Variants in MTFMT observed in about 807,000 individuals in gnomAD.
MTFMT encodes methionyl-tRNA formyltransferase, mitochondrial.
A neutral mutation model predicts 51.8 loss-of-function variants in MTFMT; 47 were observed. That is an observed-to-expected ratio of 0.91 (90% CI 0.72 to 1.16). The LOEUF (loss-of-function observed/expected upper bound fraction) is 1.16. Ranked by LOEUF, MTFMT falls within the 50% of genes most tolerant of loss-of-function variation. The probability of loss-of-function intolerance (pLI) is 0.00; values close to 1 mark genes in which losing one functional copy is unlikely to be tolerated. For synonymous variants in MTFMT, 196 were observed against 176.7 expected (o/e 1.11, Z -0.87); for missense variants, 512 against 482.3 (o/e 1.06, Z -0.58).
chr15:65,013,736 G>C (rs1240949152), intron 6 of MTFMT, among the ~76,000 whole-genome samples: 1 of 151,988 alleles, frequency 6.6e-6, no homozygotes, highest in Non-Finnish European at 1.5e-5. Context: ...TCAAGTTCAG[G>C]AGTTTGAGAT....
At chr15:65,019,696 C>A (rs962502484) in intron 5 of MTFMT, among the ~76,000 whole-genome samples, 2 of 151,998 alleles carry the variant, frequency 1.3e-5, no homozygotes, top group African/African-American at 4.8e-5. Context: ...CAATTAAATC[C>A]TAGTTTGAAA....
Position 65,016,472 on chromosome 15 carries a change from T to C in MTFMT, c.777A>G (p.Glu259=). The change falls in exon 6 of 9, where the codon GAA becomes GAG. Residue 259 remains glutamate, a synonymous_variant. Transcript: ENST00000220058. Reference sequence around the variant, plus strand: ...TGGCACGGTAAAGTCTGAATATTTGTTCTGAAGTTTGTTCCTCCCATTTTA... The same window carrying C: ...TGGCACGGTAAAGTCTGAATATTTGCTCTGAAGTTTGTTCCTCCCATTTTA... The part of the protein sequence containing the change: ...SCIKWEEQTS[E]QIFRLYRAIG... The C allele has an allele frequency of 6.2e-7, 1 of 1,612,620 alleles. No homozygotes were observed. The highest frequency in any genetic ancestry group is 8.5e-7 in the Non-Finnish European group (1 of 1,179,020).
chr15:65,024,282 G>A (rs1208959962), intron 2 of MTFMT, among the ~76,000 whole-genome samples: 5 of 152,176 alleles, frequency 3.3e-5, no homozygotes, highest in Admixed American at 2.0e-4. Context: ...CCGAGATCAC[G>A]CCATTGCACT....
chr15:65,021,465 G>T, intron 4 of MTFMT, 49 bp downstream of exon 4: 1 of 1,365,430 alleles, frequency 7.3e-7, no homozygotes, highest in Non-Finnish European at 1.0e-6. Context: ...TAACCACTTA[G>T]GAAACCCACT....
At chr15:65,003,578 C>T (rs756845301) in intron 8 of MTFMT, among the ~76,000 whole-genome samples, 2 of 151,994 alleles carry the variant, frequency 1.3e-5, no homozygotes, top group African/African-American at 2.4e-5. Context: ...ACATATAGGC[C>T]AGGCGTGGTG....
At chr15:65,020,154 C>T (rs1178366737) in intron 5 of MTFMT, 43 bp downstream of exon 5, 11 of 1,558,600 alleles carry the variant, frequency 7.1e-6, no homozygotes, top group Non-Finnish European at 9.6e-6. Flanking sequence ...TCGTGACAAG[C>T]AGAACCTTTA....
intron 6 of MTFMT, among the ~76,000 whole-genome samples, 186 bp from the exon 7 acceptor site, chr15:65,006,377 T>A (rs564757931): frequency 6.6e-4 from 96 of 144,616 alleles, no homozygotes; most frequent in Non-Finnish European, 1.2e-3. Context: ...ATTTATAAGA[T>A]CTTTTTTTTT....
At chr15:65,009,033 G>A (rs1465817806) in intron 6 of MTFMT, among the ~76,000 whole-genome samples, 1 of 152,168 alleles carries the variant, frequency 6.6e-6, no homozygotes, top group Non-Finnish European at 1.5e-5. Flanking sequence ...ATGTTTGCAT[G>A]AATTTACATT....
rs375215524 is a variant in MTFMT, at chr15:65,026,829, A to G, written c.419+2T>C. 11 of 1,612,164 alleles carry G rather than the reference A, an allele frequency of 6.8e-6. No individual in the cohort carries two copies. Among genetic ancestry groups the G allele is most frequent in the African/African-American group, 2.7e-5 (2 of 74,820 alleles). ...CTGTATTTCCTTACAAATAAAACTTACTAGGGAAATTTAAGAATAAGAGCC... is the reference window on the plus strand; with the variant it reads ...CTGTATTTCCTTACAAATAAAACTTGCTAGGGAAATTTAAGAATAAGAGCC... On this transcript the variant is annotated splice_donor_variant, in intron 2 of 8. Coordinates refer to ENST00000220058, the MANE Select transcript of MTFMT (RefSeq NM_139242.4). LOFTEE classifies it high-confidence loss of function.
intron 6 of MTFMT, among the ~76,000 whole-genome samples, chr15:65,011,822 G>A (rs922757902): frequency 2.6e-5 from 4 of 152,056 alleles, no homozygotes; most frequent in Middle Eastern, 3.4e-3. Context: ...TTTGTTGATA[G>A]TGTCCTTTGA....
chr15:65,005,061 G>C (rs1438467634), intron 7 of MTFMT, 125 bp from the exon 8 acceptor site: 1 of 657,716 alleles, frequency 1.5e-6, no homozygotes, highest in Non-Finnish European at 2.6e-6. Flanking sequence ...CACATTTGCT[G>C]ATGTTGACTT....
intron 6 of MTFMT, among the ~76,000 whole-genome samples, chr15:65,009,673 G>C (rs1018897764): frequency 9.3e-6 from 1 of 107,366 alleles, no homozygotes; most frequent in Admixed American, 1.0e-4. Context: ...TTTTTTTAAA[G>C]ACCGGATCTT....
rs764735761 is a variant in MTFMT, at chr15:65,012,438, C to CA, written c.813+3997dup. ...TGAGACAGAGTCTCACTCTGTCACCCAGGCTGGAGTGCAGTGGTGTGATCT... is the reference window on the plus strand; with the variant it reads ...TGAGACAGAGTCTCACTCTGTCACCCAAGGCTGGAGTGCAGTGGTGTGATCT... On this transcript the variant is annotated intron_variant, in intron 6 of 8. Transcript: ENST00000220058. Among the ~76,000 whole-genome samples, 49 of 152,238 alleles carry CA rather than the reference C, an allele frequency of 3.2e-4. 1 individual carries two copies. Among genetic ancestry groups the CA allele is most frequent in the Middle Eastern group, 6.8e-3 (2 of 294 alleles).
At chr15:65,028,008 G>A in intron 1 of MTFMT, among the ~76,000 whole-genome samples, 1 of 152,162 alleles carries the variant, frequency 6.6e-6, no homozygotes, top group East Asian at 1.9e-4. Flanking sequence ...GTACCCAGGG[G>A]GGTACATTTA....
chr15:65,020,315 G>C (rs1169501158), intron 4 of MTFMT, 43 bp from the exon 5 acceptor site: 2 of 1,528,258 alleles, frequency 1.3e-6, no homozygotes, highest in Non-Finnish European at 1.8e-6. Flanking sequence ...CAAAATGAAG[G>C]GAAGAACAAA....
chr15:65,002,962 C>CAAAAA lies in MTFMT; in HGVS notation c.*95_*99dup, dbSNP rs398027674. On this transcript the variant is annotated 3_prime_UTR_variant, in exon 9 of 9. Coordinates refer to ENST00000220058, the MANE Select transcript of MTFMT (RefSeq NM_139242.4). ...TGGGTGACAGAGTGAGACTCTGTCT[C>CAAAAA]AAAAAAAAAAAAAAAAAAAAAAGTC... 3.1e-4 allele frequency: 101 copies of CAAAAA among 325,530 alleles called. No individual in the cohort carries two copies. The highest frequency in any genetic ancestry group is 6.8e-4 in the South Asian group (8 of 11,836). The allele number at this position is 325,530 out of a possible 1,614,324, so 20.2% of individuals were successfully genotyped here.
intron 8 of MTFMT, among the ~76,000 whole-genome samples, chr15:65,003,845 CAAAAAAA>C (rs768884218): frequency 1.2e-4 from 5 of 40,646 alleles, no homozygotes; most frequent in Admixed American, 8.1e-4. Context: ...AACTCCATCT[CAAAAAAA>C]AAAAAAAAAA....
chr15:65,024,598 A>T (rs924868162), intron 2 of MTFMT, among the ~76,000 whole-genome samples: 9 of 151,774 alleles, frequency 5.9e-5, no homozygotes, highest in African/African-American at 1.5e-4. Context: ...TCCCAAGCTC[A>T]GGAGATCCTC....
At position 65,004,834 on chromosome 15, in the gene MTFMT, G is replaced by T; in HGVS notation, c.975+20C>A. ...CATAGTAAAACAACTATGATAACTT[G>T]AAACTAATGAAAAACATACCTTGCA... On this transcript the variant is annotated intron_variant, in intron 8 of 8. Transcript: ENST00000220058. 2 of 1,512,456 alleles carry T rather than the reference G, an allele frequency of 1.3e-6. No individual in the cohort carries two copies. The highest frequency in any genetic ancestry group is 1.8e-6 in the Non-Finnish European group (2 of 1,099,608). 93.7% of individuals were successfully genotyped at this position (1,512,456 alleles called of 1,614,324 possible).
Sources: allele counts gnomAD v4.1 joint callset (sites outside exome capture counted in the v4.1 genomes callset), GRCh38; gene constraint gnomAD v4.1.1; transcripts MANE v1.5; gene names NCBI Gene and HGNC (gene_info 2026-07-23, HGNC 2026-07-21).